Variants in KLHL3 observed in about 807,000 individuals in gnomAD.
KLHL3 encodes the protein kelch-like protein 3.
In KLHL3, 19 loss-of-function variants were observed where a neutral mutation model predicts 70.5. That is an observed-to-expected ratio of 0.27 (90% confidence interval 0.19 to 0.40). The LOEUF (loss-of-function observed/expected upper bound fraction) is 0.40, where lower values mean the gene tolerates loss of function less well. Among genes scored for constraint, KLHL3 ranks in the 10% least tolerant of loss-of-function variants. The pLI, the probability that KLHL3 is intolerant of heterozygous loss-of-function variation, is 1.00. For synonymous variants in KLHL3, 258 were observed against 290.3 expected (o/e 0.89, Z 1.13); for missense variants, 512 against 771.1 (o/e 0.66, Z 3.98).
rs139564139 is a variant in KLHL3, at chr5:137,696,418, C to G, written c.363+1869G>C. Among the ~76,000 whole-genome samples, 772 of 152,360 alleles carry G rather than the reference C, an allele frequency of 5.1e-3. 6 individuals carry two copies. The highest frequency in any genetic ancestry group is 0.024 in the Middle Eastern group (7 of 294). On this transcript the variant is annotated intron_variant, in intron 4 of 14. Transcript: ENST00000309755. ...TTTTGAATTTTGACTCCTCCACTTACCAGCCATGCAACTGAGGACAAATTA... is the reference window on the plus strand; with the variant it reads ...TTTTGAATTTTGACTCCTCCACTTAGCAGCCATGCAACTGAGGACAAATTA...
At chr5:137,706,336 C>T (rs1343608779) in intron 3 of KLHL3, 4 of 985,186 alleles carry the variant, frequency 4.1e-6, no homozygotes, top group South Asian at 4.7e-5. Context: ...TGAAGCTGAA[C>T]CTGATAATTA....
chr5:137,628,576 T>C, intron 12 of KLHL3, 139 bp from the exon 13 acceptor site: 2 of 780,546 alleles, frequency 2.6e-6, no homozygotes, highest in Non-Finnish European at 4.0e-6. Flanking sequence ...GACCTCAGTG[T>C]CCTCATCTGT....
intron 14 of KLHL3, among the ~76,000 whole-genome samples, chr5:137,623,007 T>C (rs989894715): frequency 2.0e-5 from 3 of 152,240 alleles, no homozygotes; most frequent in African/African-American, 7.2e-5. Flanking sequence ...GCTGGCTTTG[T>C]TCTTGTTGTG....
chr5:137,706,256 C>A (rs1752682797), intron 3 of KLHL3: 1 of 985,310 alleles, frequency 1.0e-6, no homozygotes, highest in Non-Finnish European at 1.2e-6. Flanking sequence ...TGGCTTTAAA[C>A]ACACTGATAG....
intron 5 of KLHL3, among the ~76,000 whole-genome samples, chr5:137,686,974 G>GGGT (rs1752185484): frequency 8.4e-6 from 1 of 119,288 alleles, no homozygotes. Context: ...AGGGAGGTGG[G>GGGT]GGGGTCAGCC....
At chr5:137,636,533 G>T (rs1750770683) in intron 11 of KLHL3, among the ~76,000 whole-genome samples, 1 of 152,180 alleles carries the variant, frequency 6.6e-6, no homozygotes, top group African/African-American at 2.4e-5. Context: ...TCAGCATTTT[G>T]AAGGAGCATA....
At chr5:137,633,240 C>G (rs1750682975) in intron 12 of KLHL3, among the ~76,000 whole-genome samples, 3 of 120,210 alleles carry the variant, frequency 2.5e-5, no homozygotes, top group Admixed American at 2.3e-4. Flanking sequence ...GATAGCGCCA[C>G]TGCACTCTAG....
chr5:137,636,229 C>T (rs1482660624), intron 11 of KLHL3, among the ~76,000 whole-genome samples: 1 of 152,166 alleles, frequency 6.6e-6, no homozygotes, highest in East Asian at 1.9e-4. Flanking sequence ...CCAGTGCAGA[C>T]TGAGAAATAC....
At chr5:137,686,436 G>A (rs1752164917) in intron 5 of KLHL3, among the ~76,000 whole-genome samples, 1 of 152,250 alleles carries the variant, frequency 6.6e-6, no homozygotes, top group Non-Finnish European at 1.5e-5. Context: ...CCATGATAGA[G>A]AGAAGAAAAT....
intron 12 of KLHL3, chr5:137,628,782 G>C (rs1750557432): frequency 6.0e-6 from 1 of 167,610 alleles, no homozygotes; most frequent in African/African-American, 2.4e-5. Flanking sequence ...TACGGGAGAG[G>C]ATGTTCATAA....
At chr5:137,634,280 C>T (rs1750714404) in intron 11 of KLHL3, 115 bp from the exon 12 acceptor site, 1 of 1,188,516 alleles carries the variant, frequency 8.4e-7, no homozygotes, top group East Asian at 2.6e-5. Context: ...ATTCTGTTCC[C>T]TCTTTCTCCA....
intron 3 of KLHL3, among the ~76,000 whole-genome samples, 193 bp from the exon 4 acceptor site, chr5:137,698,601 A>G (rs531887421): frequency 2.0e-5 from 3 of 152,308 alleles, no homozygotes; most frequent in East Asian, 3.9e-4. Flanking sequence ...GTCTGTGATC[A>G]CCTACAAACC....
At position 137,651,699 on chromosome 5, in the gene KLHL3, A is replaced by C. The variant is rs866503463; in HGVS notation, c.903+6432T>G. ...AGAACCCCTACAAGCTTTTTTGTAGATAGACAAGTTGATTCTGAAATTTAA... is the reference window on the plus strand; with the variant it reads ...AGAACCCCTACAAGCTTTTTTGTAGCTAGACAAGTTGATTCTGAAATTTAA... On this transcript the variant is annotated intron_variant, in intron 8 of 14. Coordinates refer to ENST00000309755, the MANE Select transcript of KLHL3 (RefSeq NM_017415.3). Among the ~76,000 whole-genome samples the C allele has an allele frequency of 4.6e-5, 7 of 152,278 alleles. No homozygotes were observed. In the South Asian group the frequency reaches 1.5e-3, roughly 32 times the overall value.
chr5:137,630,991 T>G (rs1750620722), intron 12 of KLHL3, among the ~76,000 whole-genome samples: 1 of 146,464 alleles, frequency 6.8e-6, no homozygotes, highest in Non-Finnish European at 1.5e-5. Context: ...TAAAATAGCA[T>G]ACTTTTTAAA....
intron 1 of KLHL3, among the ~76,000 whole-genome samples, chr5:137,731,680 A>T (rs1375092507): frequency 6.6e-6 from 1 of 152,152 alleles, no homozygotes; most frequent in Non-Finnish European, 1.5e-5. Context: ...TGCCCGGTAC[A>T]TGGTGCCCCT....
intron 8 of KLHL3, among the ~76,000 whole-genome samples, chr5:137,654,440 G>A (rs1354418793): frequency 6.6e-6 from 1 of 152,144 alleles, no homozygotes; most frequent in East Asian, 1.9e-4. Context: ...AGTAATCTAA[G>A]TAGGGATATG....
At chr5:137,642,653 T>C (rs1441028570) in intron 8 of KLHL3, among the ~76,000 whole-genome samples, 1 of 152,132 alleles carries the variant, frequency 6.6e-6, no homozygotes, top group East Asian at 1.9e-4. Context: ...AAACAAACAA[T>C]ACAGAGTTTT....
chr5:137,627,619 C>T (rs1254966125), intron 13 of KLHL3, among the ~76,000 whole-genome samples: 3 of 152,076 alleles, frequency 2.0e-5, no homozygotes, highest in Non-Finnish European at 4.4e-5. Flanking sequence ...CAACACTTTC[C>T]TAAAGCAAAG....
At chr5:137,628,519 A>G (rs1403836058) in intron 12 of KLHL3, 82 bp from the exon 13 acceptor site, 3 of 1,514,110 alleles carry the variant, frequency 2.0e-6, no homozygotes, top group Non-Finnish European at 2.7e-6. Context: ...AGTCCTGGAC[A>G]GCCCTGACCA....
Sources: gnomAD v4.1 joint callset for allele counts (sites outside exome capture counted in the v4.1 genomes callset) on GRCh38, gnomAD v4.1.1 for gene constraint, MANE v1.5 for transcripts, NCBI Gene and HGNC (gene_info 2026-07-23, HGNC 2026-07-21) for gene names.